Variants in PRKAR1A observed in about 807,000 individuals in gnomAD.
PRKAR1A encodes the protein protein kinase cAMP-dependent type I regulatory subunit alpha.
In PRKAR1A, 3 loss-of-function variants were observed where a neutral mutation model predicts 52.0. The ratio of observed to expected loss-of-function variants is 0.06; its 90% CI spans 0.03 to 0.15. The LOEUF is 0.15. Ranked by LOEUF, PRKAR1A falls within the 10% of genes least tolerant of loss-of-function variation. The pLI, the probability that PRKAR1A is intolerant of heterozygous loss-of-function variation, is 1.00. For missense variants in PRKAR1A, 240 were observed against 477.4 expected (o/e 0.50, Z 4.63); for synonymous variants, 188 against 168.4 (o/e 1.12, Z -0.90).
Position 68,532,581 on chromosome 17 carries a change from TC to T in PRKAR1A, c.*2134del. The T allele has an allele frequency of 9.4e-7, 1 of 1,066,246 alleles. No individual in the cohort carries two copies. Among genetic ancestry groups the T allele is most frequent in the African/African-American group, 1.6e-5 (1 of 61,230 alleles). 66.0% of individuals were successfully genotyped at this position (1,066,246 alleles called of 1,614,324 possible). ...TATTCAAGGCTTTAAAAGTCATTAT[TC>T]CTGGGCTTGGTAAGTGAATTTATGA... On this transcript the variant is annotated 3_prime_UTR_variant, in exon 11 of 11. Transcript: ENST00000589228.
chr17:68,467,688 G>T, the PRKAR1A span, among the ~76,000 whole-genome samples: 1 of 152,176 alleles, frequency 6.6e-6, no homozygotes, highest in African/African-American at 2.4e-5. Context: ...GGGAGTTCAA[G>T]AACTCGATAT....
chr17:68,521,344 C>T (rs1020468930), intron 2 of PRKAR1A, among the ~76,000 whole-genome samples: 9 of 152,214 alleles, frequency 5.9e-5, no homozygotes, highest in Admixed American at 5.2e-4. Flanking sequence ...ATCCTCCTGC[C>T]TCAGCTTCCC....
chr17:68,522,166 G>A (rs2085632588), intron 2 of PRKAR1A, among the ~76,000 whole-genome samples: 1 of 152,172 alleles, frequency 6.6e-6, no homozygotes, highest in Non-Finnish European at 1.5e-5. Context: ...GATCAAACTG[G>A]AATGTGAATT....
At chr17:68,462,622 G>T in the PRKAR1A span, among the ~76,000 whole-genome samples, 15 of 152,332 alleles carry the variant, frequency 9.8e-5, no homozygotes, top group South Asian at 2.9e-3. Flanking sequence ...AGACTGTCGA[G>T]TAAGTTGCCA....
the PRKAR1A span, among the ~76,000 whole-genome samples, chr17:68,480,044 G>A: frequency 1.3e-5 from 2 of 152,128 alleles, no homozygotes; most frequent in Non-Finnish European, 2.9e-5. Flanking sequence ...AGCATGTGGG[G>A]AATATGGAAA....
the PRKAR1A span, among the ~76,000 whole-genome samples, chr17:68,496,513 C>T: frequency 6.6e-6 from 1 of 152,186 alleles, no homozygotes; most frequent in East Asian, 1.9e-4. Flanking sequence ...TGATTAGTAA[C>T]CTTAAATTCA....
In PRKAR1A at chr17:68,533,313, G is replaced by A; in HGVS notation, c.*2864G>A. ...TGGAGATATGTTGTATGTTAGAAGA[G>A]CATTCTTTAAATTGTGTTGCTTTGA... On this transcript the variant is annotated 3_prime_UTR_variant, in exon 11 of 11. Transcript: ENST00000589228. 2.8e-6 allele frequency: 3 copies of A among 1,063,636 alleles called. No individual in the cohort carries two copies. The highest frequency in any genetic ancestry group is 3.4e-6 in the Non-Finnish European group (3 of 878,122). The allele number at this position is 1,063,636 out of a possible 1,614,324, so 65.9% of individuals were successfully genotyped here.
intron 2 of PRKAR1A, among the ~76,000 whole-genome samples, chr17:68,521,886 A>C (rs1368971843): frequency 6.6e-6 from 1 of 152,258 alleles, no homozygotes; most frequent in Non-Finnish European, 1.5e-5. Context: ...TACTTCAGGC[A>C]CAACAACTAA....
At position 68,515,224 on chromosome 17, in the gene PRKAR1A, T is replaced by G. The variant is rs2085392401; in HGVS notation, c.-6-170T>G. ...ATGAAACATTTACTTGGAATAATGCTAATTCTGTACATATTTTATTCCCTA... is the reference window on the plus strand; with the variant it reads ...ATGAAACATTTACTTGGAATAATGCGAATTCTGTACATATTTTATTCCCTA... On this transcript the variant is annotated intron_variant, in intron 1 of 10. Coordinates refer to ENST00000589228, the MANE Select transcript of PRKAR1A (RefSeq NM_002734.5). 7.4e-6 allele frequency: 5 copies of G among 678,026 alleles called. No homozygotes were observed. The East Asian group carries it at 1.4e-4, about 19-fold the overall frequency. The allele number at this position is 678,026 out of a possible 1,614,324, so 42.0% of individuals were successfully genotyped here.
chr17:68,437,003 A>ATATATATATATAT, the PRKAR1A span, among the ~76,000 whole-genome samples: 8 of 60,330 alleles, frequency 1.3e-4, no homozygotes, highest in Non-Finnish European at 2.4e-4. Flanking sequence ...CAAAAAAAAA[A>ATATATATATATAT]AAATATATAT....
At chr17:68,433,760 G>GTTTTTTTTTTTTTTTTTTTTT in the PRKAR1A span, among the ~76,000 whole-genome samples, 1 of 72,814 alleles carries the variant, frequency 1.4e-5, no homozygotes, top group African/African-American at 6.6e-5. Flanking sequence ...AAGGGTCATA[G>GTTTTTTTTTTTTTTTTTTTTT]TTTTTTTTTT....
chr17:68,527,943 C>T (rs781732307), intron 8 of PRKAR1A, 43 bp downstream of exon 8: 89 of 1,501,512 alleles, frequency 5.9e-5, no homozygotes, highest in Non-Finnish European at 8.0e-5. Context: ...TGTGAGATAC[C>T]CCTGAATTAG....
intron 2 of PRKAR1A, among the ~76,000 whole-genome samples, chr17:68,522,374 C>T (rs1433625228): frequency 6.6e-6 from 1 of 152,196 alleles, no homozygotes; most frequent in African/African-American, 2.4e-5. Context: ...TTGCTATCTG[C>T]AGTAGCATCC....
the PRKAR1A span, among the ~76,000 whole-genome samples, chr17:68,467,134 G>A: frequency 3.3e-5 from 5 of 152,154 alleles, no homozygotes; most frequent in Admixed American, 6.6e-5. Flanking sequence ...CTTTGAATAC[G>A]CATATCACAA....
chr17:68,543,557 G>T, intron 11 of PRKAR1A: 1 of 1,332,072 alleles, frequency 7.5e-7, no homozygotes, highest in African/African-American at 1.4e-5. Context: ...CCACCTTGAG[G>T]GTCTGTCTAG....
the PRKAR1A span, among the ~76,000 whole-genome samples, chr17:68,431,667 G>C: frequency 5.7e-5 from 1 of 17,406 alleles, no homozygotes; most frequent in Non-Finnish European, 1.2e-4. Flanking sequence ...GGCTGGACCA[G>C]CACGAGGTGC....
chr17:68,532,387 TAAATC>T lies in PRKAR1A; in HGVS notation c.*1940_*1944del, dbSNP rs893713044. The stretch of plus-strand genomic sequence containing the variant: ...ATGCTTTCTGAGTGAGTTTTACTCT[TAAATC>T]ATTTGGTTAAATCATTTGGCTTGCT... On this transcript the variant is annotated 3_prime_UTR_variant, in exon 11 of 11. Transcript: ENST00000589228. 1.9e-5 allele frequency: 20 copies of T among 1,056,424 alleles called. No homozygotes were observed. Among genetic ancestry groups the T allele is most frequent in the Non-Finnish European group, 2.2e-5 (19 of 871,132 alleles). The allele number at this position is 1,056,424 out of a possible 1,614,324, so 65.4% of individuals were successfully genotyped here.
downstream of PRKAR1A, among the ~76,000 whole-genome samples, chr17:68,533,888 C>T (rs1276079920): frequency 6.6e-6 from 1 of 152,156 alleles, no homozygotes; most frequent in Non-Finnish European, 1.5e-5. Flanking sequence ...CCATCACACC[C>T]AGCTAGTTTT....
At position 68,531,213 on chromosome 17, in the gene PRKAR1A, C is replaced by G. The variant is rs2085965725; in HGVS notation, c.*764C>G. The G allele has an allele frequency of 1.9e-6, 2 of 1,066,350 alleles. No individual in the cohort carries two copies. The highest frequency in any genetic ancestry group is 9.9e-5 in the East Asian group (2 of 20,172). 66.1% of individuals were successfully genotyped at this position (1,066,350 alleles called of 1,614,324 possible). A position where few individuals can be genotyped will look rare whatever the true frequency, so the allele number is the denominator to read the frequency against. ...GTATTTAACTACATCTGCCTCGGCT[C>G]ACAAATTCCGATTAGACCTTTATCC... On this transcript the variant is annotated 3_prime_UTR_variant, in exon 11 of 11. Coordinates refer to ENST00000589228, the MANE Select transcript of PRKAR1A (RefSeq NM_002734.5).
Sources: allele counts gnomAD v4.1 joint callset (sites outside exome capture counted in the v4.1 genomes callset), GRCh38; gene constraint gnomAD v4.1.1; transcripts MANE v1.5; gene names NCBI Gene and HGNC (gene_info 2026-07-23, HGNC 2026-07-21).